SENP6: variants seen among roughly 807,000 people sequenced by gnomAD.
The protein encoded by SENP6 is SUMO specific peptidase 6.
SENP6 carries 41 observed loss-of-function variants against 134.5 expected under a neutral mutation model. The observed-to-expected ratio is 0.30, with a 90% CI of 0.24 to 0.40. The LOEUF is 0.40. SENP6 is among the 10% of genes least tolerant of loss of function. The pLI is 1.00. For synonymous variants in SENP6, 395 were observed against 429.8 expected, an observed-to-expected ratio of 0.92 and a Z score of 1.00; for missense variants, 1,248 against 1,312.5, an observed-to-expected ratio of 0.95 and a Z score of 0.76.
chr6:75,663,526 T>C lies in SENP6; in HGVS notation c.994+8T>C, dbSNP rs763984414. On this transcript the variant is annotated splice_region_variant and intron_variant, in intron 9 of 23. Coordinates refer to ENST00000447266, the MANE Select transcript of SENP6 (RefSeq NM_015571.4). Reference sequence around the variant, plus strand: ...CAGACCTAAATGATCCAAGTAAGTATTTTACTCCCTTTAATATTGCTTATA... The same window carrying C: ...CAGACCTAAATGATCCAAGTAAGTACTTTACTCCCTTTAATATTGCTTATA... 1.3e-6 allele frequency: 2 copies of C among 1,593,382 alleles called. No homozygotes were observed. The highest frequency in any genetic ancestry group is 1.7e-6 in the Non-Finnish European group (2 of 1,171,818).
At chr6:75,617,477 G>C (rs1767950506) in intron 1 of SENP6, among the ~76,000 whole-genome samples, 1 of 151,616 alleles carries the variant, frequency 6.6e-6, no homozygotes, top group Admixed American at 6.6e-5. Flanking sequence ...TCTCCACGTT[G>C]GTCAGGCTGG....
chr6:75,672,889 G>T (rs537569969), intron 11 of SENP6, among the ~76,000 whole-genome samples: 1 of 151,976 alleles, frequency 6.6e-6, no homozygotes, highest in African/African-American at 2.4e-5. Context: ...GTGCAGTGGC[G>T]CAATCTCGGC....
intron 6 of SENP6, among the ~76,000 whole-genome samples, chr6:75,641,249 A>G (rs1049946966): frequency 6.6e-6 from 1 of 152,170 alleles, no homozygotes; most frequent in Non-Finnish European, 1.5e-5. Flanking sequence ...ACATTTTTCT[A>G]TAATGGTTAT....
intron 3 of SENP6, among the ~76,000 whole-genome samples, chr6:75,630,259 G>A (rs1026660135): frequency 6.6e-6 from 1 of 151,834 alleles, no homozygotes; most frequent in African/African-American, 2.4e-5. Flanking sequence ...TAGTAGAGAC[G>A]GGGTTTCACC....
At chr6:75,625,276 T>C (rs1267022928) in intron 3 of SENP6, among the ~76,000 whole-genome samples, 1 of 151,864 alleles carries the variant, frequency 6.6e-6, no homozygotes, top group East Asian at 1.9e-4. Flanking sequence ...CATGCCTGGC[T>C]AATTTTTTTT....
chr6:75,630,483 T>A (rs1053805726), intron 3 of SENP6, among the ~76,000 whole-genome samples: 3 of 152,236 alleles, frequency 2.0e-5, no homozygotes, highest in African/African-American at 7.2e-5. Flanking sequence ...CCCTTACTTA[T>A]GTCTCTCTGG....
intron 8 of SENP6, among the ~76,000 whole-genome samples, chr6:75,660,775 G>A (rs183623993): frequency 2.0e-5 from 3 of 152,138 alleles, no homozygotes; most frequent in Admixed American, 6.5e-5. Flanking sequence ...GGGACTACAG[G>A]CATCTGCCAC....
Position 75,712,261 on chromosome 6 carries a change from T to TA in SENP6, c.2909+846dup, listed in dbSNP as rs1237048790. Among the ~76,000 whole-genome samples, 5 of 152,304 alleles carry TA rather than the reference T, an allele frequency of 3.3e-5. No homozygotes were observed. In the East Asian group the frequency reaches 9.6e-4, roughly 29 times the overall value. ...GGTTTAATCTCCTTTGACTTTTTTT[T>TA]ATAGAAAATGTTGACAGAAACTCTA... On this transcript the variant is annotated intron_variant, in intron 21 of 23. Coordinates refer to ENST00000447266, the MANE Select transcript of SENP6 (RefSeq NM_015571.4).
intron 9 of SENP6, among the ~76,000 whole-genome samples, chr6:75,665,787 G>A (rs1451969550): frequency 6.6e-6 from 1 of 152,086 alleles, no homozygotes; most frequent in Non-Finnish European, 1.5e-5. Context: ...AACATTTTGG[G>A]AGGCTGAGGC....
At chr6:75,667,611 CTT>C (rs1047403207) in intron 10 of SENP6, among the ~76,000 whole-genome samples, 13 of 152,170 alleles carry the variant, frequency 8.5e-5, no homozygotes, top group African/African-American at 2.7e-4. Flanking sequence ...GGAAAGGACA[CTT>C]TCCCAATTTG....
At chr6:75,692,148 G>A (rs911616932) in intron 16 of SENP6, among the ~76,000 whole-genome samples, 1 of 151,992 alleles carries the variant, frequency 6.6e-6, no homozygotes, top group South Asian at 2.1e-4. Context: ...GAGCCACCGC[G>A]CCTGGCCTCC....
intron 13 of SENP6, 31 bp from the exon 14 acceptor site, chr6:75,676,999 T>G: frequency 9.2e-7 from 1 of 1,091,736 alleles, no homozygotes; most frequent in East Asian, 2.6e-5. Flanking sequence ...CTTTTGTGTT[T>G]TTTTTTGGAC....
In SENP6 at chr6:75,608,950, T is replaced by C. The variant is rs556925986; in HGVS notation, c.52+6374T>C. Among the ~76,000 whole-genome samples the C allele has an allele frequency of 2.6e-5, 4 of 152,360 alleles. No homozygotes were observed. In the South Asian group the frequency reaches 8.3e-4, roughly 32 times the overall value. On this transcript the variant is annotated intron_variant, in intron 1 of 23. Transcript: ENST00000447266. ...GTTTTTCTTTCACTGACTACCTTTTTCTAGATATTAGCTGATTTTGACCAG... is the reference window on the plus strand; with the variant it reads ...GTTTTTCTTTCACTGACTACCTTTTCCTAGATATTAGCTGATTTTGACCAG...
intron 16 of SENP6, among the ~76,000 whole-genome samples, chr6:75,693,149 C>G (rs565271444): frequency 6.6e-6 from 1 of 152,086 alleles, no homozygotes; most frequent in Non-Finnish European, 1.5e-5. Flanking sequence ...CCTATAATCC[C>G]AGCATTTTGG....
At chr6:75,633,909 G>A (rs900327906) in intron 4 of SENP6, among the ~76,000 whole-genome samples, 183 bp downstream of exon 4, 2 of 152,168 alleles carry the variant, frequency 1.3e-5, no homozygotes, top group Non-Finnish European at 2.9e-5. Context: ...ATTGATTGCA[G>A]TGTCTCTTGT....
At chr6:75,649,464 G>GA (rs1434277287) in intron 7 of SENP6, among the ~76,000 whole-genome samples, 1 of 152,114 alleles carries the variant, frequency 6.6e-6, no homozygotes, top group Non-Finnish European at 1.5e-5. Flanking sequence ...CAAGTTAAGA[G>GA]AAAAAAGAGC....
chr6:75,658,705 G>A (rs1470299755), intron 7 of SENP6, among the ~76,000 whole-genome samples: 2 of 151,892 alleles, frequency 1.3e-5, no homozygotes, highest in African/African-American at 4.8e-5. Flanking sequence ...CCAAACAATT[G>A]TACTGTTTGA....
intron 11 of SENP6, among the ~76,000 whole-genome samples, chr6:75,673,260 T>C (rs1320617403): frequency 6.6e-6 from 1 of 152,070 alleles, no homozygotes; most frequent in East Asian, 1.9e-4. Flanking sequence ...AAAACCAAGG[T>C]TTTCATTCAG....
At chr6:75,693,489 A>G (rs1050255143) in intron 16 of SENP6, among the ~76,000 whole-genome samples, 1 of 151,922 alleles carries the variant, frequency 6.6e-6, no homozygotes, top group African/African-American at 2.4e-5. Flanking sequence ...TCATTACAGT[A>G]TAGTCCCTGG....
Sources: gnomAD v4.1 joint callset for allele counts (sites outside exome capture counted in the v4.1 genomes callset) on GRCh38, gnomAD v4.1.1 for gene constraint, MANE v1.5 for transcripts, NCBI Gene and HGNC (gene_info 2026-07-23, HGNC 2026-07-21) for gene names.